Variants in RYR3 observed in about 807,000 individuals in gnomAD.
RYR3 encodes ryanodine receptor 3, also known as brain ryanodine receptor-calcium release channel.
A neutral mutation model predicts 584.3 loss-of-function variants in RYR3; 207 were observed. That is an observed-to-expected ratio of 0.35 (90% CI 0.32 to 0.40). The LOEUF is 0.40. Ranked by LOEUF, RYR3 falls within the 10% of genes least tolerant of loss-of-function variation. The probability of loss-of-function intolerance (pLI) is 1.00; values close to 1 mark genes in which losing one functional copy is unlikely to be tolerated. For missense variants in RYR3, 5,616 were observed against 6,089.2 expected (o/e 0.92, Z 2.59); for synonymous variants, 2,416 against 2,248.5 (o/e 1.07, Z -2.11).
chr15:33,621,559 A>G (rs1245485296), intron 19 of RYR3, among the ~76,000 whole-genome samples: 7 of 152,200 alleles, frequency 4.6e-5, no homozygotes, highest in Admixed American at 4.6e-4. Flanking sequence ...TCAAATTCTT[A>G]ATACACATAG....
intron 1 of RYR3, among the ~76,000 whole-genome samples, chr15:33,425,925 A>C (rs1049801354): frequency 6.6e-6 from 1 of 152,196 alleles, no homozygotes; most frequent in Non-Finnish European, 1.5e-5. Context: ...TACAGGCATG[A>C]GCCACCGCGC....
In RYR3 at chr15:33,660,262, A is replaced by C. The variant is rs1596021830; in HGVS notation, c.4461A>C (p.Pro1487=). The change falls in exon 34 of 104, where the codon CCA becomes CCC. Residue 1487 remains proline, a synonymous_variant. Transcript: ENST00000634891. ...AGAAGAACCCAGTCCCACAGTGTCCACCTCGGCTGGACGTCCAAACCATCC... is the reference window on the plus strand; with the variant it reads ...AGAAGAACCCAGTCCCACAGTGTCCCCCTCGGCTGGACGTCCAAACCATCC... ...SEEKNPVPQC[P]PRLDVQTIQP... 6.4e-7 allele frequency: 1 copy of C among 1,555,486 alleles called. No homozygotes were observed.
chr15:33,546,543 A>G (rs1195275062), intron 8 of RYR3, among the ~76,000 whole-genome samples: 1 of 152,180 alleles, frequency 6.6e-6, no homozygotes, highest in Non-Finnish European at 1.5e-5. Flanking sequence ...TGTTGATGTA[A>G]TGTTTCATTG....
intron 1 of RYR3, among the ~76,000 whole-genome samples, chr15:33,468,711 C>T (rs114573728): frequency 9.9e-5 from 15 of 152,130 alleles, no homozygotes; most frequent in Non-Finnish European, 1.5e-4. Context: ...TAAAAACATA[C>T]CCATTCTGTA....
chr15:33,613,806 C>T (rs969729332), intron 19 of RYR3, among the ~76,000 whole-genome samples: 9 of 152,236 alleles, frequency 5.9e-5, no homozygotes, highest in Middle Eastern at 3.4e-3. Flanking sequence ...ATTGGTATTA[C>T]ACCGAATATG....
At chr15:33,628,329 G>T in intron 20 of RYR3, 142 bp from the exon 21 acceptor site, 1 of 604,430 alleles carries the variant, frequency 1.7e-6, no homozygotes. Flanking sequence ...GGGCTGGGGA[G>T]CATGTGGGTC....
At chr15:33,808,517 G>A (rs2076328719) in intron 70 of RYR3, among the ~76,000 whole-genome samples, 1 of 152,184 alleles carries the variant, frequency 6.6e-6, no homozygotes, top group African/African-American at 2.4e-5. Flanking sequence ...ATTGCATACT[G>A]TGTATTACCA....
chr15:33,794,061 CATAA>C (rs1191934655), intron 67 of RYR3, among the ~76,000 whole-genome samples: 20 of 121,492 alleles, frequency 1.6e-4, no homozygotes, highest in African/African-American at 5.4e-4. Flanking sequence ...TAAATATATA[CATAA>C]ATAAATATAT....
chr15:33,603,637 A>G (rs1280759442), intron 18 of RYR3, among the ~76,000 whole-genome samples: 1 of 152,204 alleles, frequency 6.6e-6, no homozygotes, highest in African/African-American at 2.4e-5. Flanking sequence ...TTAGGATTAT[A>G]TGAACAGAGA....
intron 10 of RYR3, among the ~76,000 whole-genome samples, chr15:33,558,247 T>TC (rs1297053101): frequency 6.9e-6 from 1 of 145,852 alleles, no homozygotes; most frequent in Non-Finnish European, 1.5e-5. Flanking sequence ...CCCTCCCCCA[T>TC]CCCCCCACCC....
intron 38 of RYR3, among the ~76,000 whole-genome samples, chr15:33,680,877 G>A (rs2064547776): frequency 6.6e-6 from 1 of 152,202 alleles, no homozygotes; most frequent in African/African-American, 2.4e-5. Context: ...GGTAAATGTT[G>A]ACATGCAGCC....
At chr15:33,848,002 A>G (rs1205927405) in intron 93 of RYR3, among the ~76,000 whole-genome samples, 1 of 152,236 alleles carries the variant, frequency 6.6e-6, no homozygotes, top group Non-Finnish European at 1.5e-5. Flanking sequence ...GGGCTCATCT[A>G]GGCGTGGCCT....
intron 43 of RYR3, among the ~76,000 whole-genome samples, chr15:33,714,960 G>A (rs1040070393): frequency 9.2e-5 from 14 of 152,196 alleles, no homozygotes; most frequent in African/African-American, 3.4e-4. Flanking sequence ...TGACACATGA[G>A]ACATTGGCAT....
chr15:33,735,587 G>A (rs1285506390), intron 48 of RYR3, among the ~76,000 whole-genome samples: 1 of 152,018 alleles, frequency 6.6e-6, no homozygotes, highest in Non-Finnish European at 1.5e-5. Flanking sequence ...TTTAAAGTTT[G>A]GCAATGTAAA....
chr15:33,524,235 A>AT (rs2054230874), intron 3 of RYR3, among the ~76,000 whole-genome samples: 1 of 152,148 alleles, frequency 6.6e-6, no homozygotes, highest in South Asian at 2.1e-4. Flanking sequence ...TGGCTATTTC[A>AT]TTTTCATAGG....
chr15:33,570,448 C>T (rs1027338534), intron 12 of RYR3, among the ~76,000 whole-genome samples: 48 of 152,204 alleles, frequency 3.2e-4, no homozygotes, highest in African/African-American at 1.1e-3. Context: ...ATATGCCTGT[C>T]ATTATTCCAA....
At chr15:33,750,483 C>G (rs1240771860) in intron 57 of RYR3, among the ~76,000 whole-genome samples, 197 bp downstream of exon 57, 1 of 152,110 alleles carries the variant, frequency 6.6e-6, no homozygotes, top group Non-Finnish European at 1.5e-5. Flanking sequence ...AGATCAGTGA[C>G]AACAAAGAAT....
intron 1 of RYR3, among the ~76,000 whole-genome samples, chr15:33,353,423 C>G (rs567609070): frequency 6.6e-6 from 1 of 152,210 alleles, no homozygotes; most frequent in African/African-American, 2.4e-5. Context: ...ATATCTTGGA[C>G]CATCTGGTGG....
intron 64 of RYR3, among the ~76,000 whole-genome samples, chr15:33,779,203 T>C (rs749363354): frequency 1.3e-5 from 2 of 152,180 alleles, no homozygotes; most frequent in Non-Finnish European, 2.9e-5. Flanking sequence ...CAAGACCAGT[T>C]AAGATCACAA....
Sources: gnomAD v4.1 joint callset for allele counts (sites outside exome capture counted in the v4.1 genomes callset) on GRCh38, gnomAD v4.1.1 for gene constraint, MANE v1.5 for transcripts, NCBI Gene and HGNC (gene_info 2026-07-23, HGNC 2026-07-21) for gene names.